MPP2: variants seen among roughly 807,000 people sequenced by gnomAD.
MPP2 encodes MAGUK p55 scaffold protein 2.
MPP2 carries 42 observed loss-of-function variants against 58.5 expected under a neutral mutation model. That is an observed-to-expected ratio of 0.72 (90% confidence interval 0.56 to 0.93). MPP2 has a LOEUF of 0.93. Among genes scored for constraint, MPP2 ranks in the 40% least tolerant of loss-of-function variants. The pLI, the probability that MPP2 is intolerant of heterozygous loss-of-function variation, is 0.00. For synonymous variants in MPP2, 300 were observed against 307.8 expected, an observed-to-expected ratio of 0.97 and a Z score of 0.26; for missense variants, 632 against 760.4, an observed-to-expected ratio of 0.83 and a Z score of 1.99.
At chr17:43,894,154 C>T (rs1434489600) in intron 3 of MPP2, among the ~76,000 whole-genome samples, 1 of 150,862 alleles carries the variant, frequency 6.6e-6, no homozygotes, top group Non-Finnish European at 1.5e-5. Flanking sequence ...TGCGGTGGCT[C>T]ACACCTATAA....
Position 43,882,964 on chromosome 17 carries a change from T to C in MPP2, c.392A>G (p.Gln131Arg), listed in dbSNP as rs373301059. The C allele has an allele frequency of 1.9e-6, 3 of 1,614,010 alleles. No homozygotes were observed. The African/African-American group carries it at 4.0e-5, about 22-fold the overall frequency. Residue 131 changes from glutamine to arginine, a missense_variant, in exon 5 of 13, where the codon CAG becomes CGG. Physicochemically the swap from Gln to Arg is conservative, Grantham distance 43. Transcript: ENST00000269095. ...GCGCACAGCATCGGGAGGTACAGGC[T>C]GGTTGCTGAATGTAGGGTCCAGGCC... is the stretch of plus-strand genomic sequence containing the variant. Reference protein sequence around the residue: ...SPGLDPTFSNQPVPPDAVRMV... With the variant: ...SPGLDPTFSNRPVPPDAVRMV...
At chr17:43,881,699 TC>T (rs1361375569) in intron 6 of MPP2, 110 bp from the exon 7 acceptor site, 2 of 1,398,862 alleles carry the variant, frequency 1.4e-6, no homozygotes, top group East Asian at 2.5e-5. Flanking sequence ...AATGGAACTG[TC>T]CCCCTGCAGG....
intron 3 of MPP2, among the ~76,000 whole-genome samples, chr17:43,897,759 C>T (rs2047909926): frequency 6.6e-6 from 1 of 152,198 alleles, no homozygotes; most frequent in Non-Finnish European, 1.5e-5. Context: ...GTCCTTCCTC[C>T]AGGAAGCCCT....
At chr17:43,897,599 A>G (rs183998639) in intron 3 of MPP2, among the ~76,000 whole-genome samples, 50 of 152,220 alleles carry the variant, frequency 3.3e-4, no homozygotes, top group African/African-American at 1.2e-3. Flanking sequence ...CACAGCTCGC[A>G]TTGTCTTACA....
chr17:43,893,532 C>A (rs2047692888), intron 3 of MPP2, among the ~76,000 whole-genome samples: 1 of 152,142 alleles, frequency 6.6e-6, no homozygotes, highest in South Asian at 2.1e-4. Flanking sequence ...AAGCCATGGA[C>A]CAGTACTGAT....
At chr17:43,887,788 A>T (rs1016654254) in intron 3 of MPP2, among the ~76,000 whole-genome samples, 5 of 134,910 alleles carry the variant, frequency 3.7e-5, no homozygotes, top group Non-Finnish European at 6.3e-5. Flanking sequence ...TTAATTAAAA[A>T]AATTCAAAAG....
chr17:43,894,935 C>A (rs231501), intron 3 of MPP2, among the ~76,000 whole-genome samples: 30 of 151,674 alleles, frequency 2.0e-4, no homozygotes, highest in African/African-American at 7.3e-4. Context: ...GGAATAAGAC[C>A]CTGTCTAAAA....
Position 43,883,066 on chromosome 17 carries a change from G to A in MPP2, c.304-14C>T. The A allele has an allele frequency of 6.2e-7, 1 of 1,604,468 alleles. No individual in the cohort carries two copies. Among genetic ancestry groups the A allele is most frequent in the African/African-American group, 1.3e-5 (1 of 74,868 alleles). ...CTCCAGGAGGGACTGGGGGGTGGTG[G>A]GAAGAGAAGGGACAATGGGGCAGTG... On this transcript the variant is annotated splice_polypyrimidine_tract_variant and intron_variant, in intron 4 of 12. Transcript: ENST00000269095.
upstream of MPP2, chr17:43,909,555 C>T (rs184887467): frequency 4.3e-4 from 623 of 1,465,418 alleles, 7 homozygotes; most frequent in East Asian, 0.012. Context: ...CATAGCGACC[C>T]ACATCAAATC....
At position 43,879,158 on chromosome 17, in the gene MPP2, A is replaced by G; in HGVS notation, c.1482+117T>C. ...GGGACCACGTCCTGCCTCACTGATA[A>G]CTGGAGCAGGCCCCTGTCCCTCCCC... On this transcript the variant is annotated intron_variant, in intron 12 of 12. Transcript: ENST00000269095. The surrounding 1 kb of genome is among the most constrained non-coding windows in gnomAD (Gnocchi z 4.1). 1 of 1,296,986 alleles carries G rather than the reference A, an allele frequency of 7.7e-7. No homozygotes were observed. The highest frequency in any genetic ancestry group is 1.1e-6 in the Non-Finnish European group (1 of 934,660). 80.3% of individuals were successfully genotyped at this position (1,296,986 alleles called of 1,614,324 possible).
rs2143593901 is a variant in MPP2, at chr17:43,884,271, T to C, written c.151-916A>G. ...ATTTTATTTTTTCTGATTCAGGATC[T>C]AATTGATGATCATATGTTGTAGTTG... On this transcript the variant is annotated intron_variant, in intron 3 of 12. Coordinates refer to ENST00000269095, the MANE Select transcript of MPP2 (RefSeq NM_005374.5). 9 of 598,280 alleles carry C rather than the reference T, an allele frequency of 1.5e-5. 1 individual carries two copies. In the South Asian group the frequency reaches 2.0e-4, roughly 13 times the overall value. 37.1% of individuals were successfully genotyped at this position (598,280 alleles called of 1,614,324 possible). A position where few individuals can be genotyped will look rare whatever the true frequency, so the allele number is the denominator to read the frequency against.
intron 1 of MPP2, among the ~76,000 whole-genome samples, chr17:43,906,634 G>A (rs1173134050): frequency 6.6e-6 from 1 of 152,150 alleles, no homozygotes; most frequent in African/African-American, 2.4e-5. Flanking sequence ...CAGAACTGAG[G>A]GCCAGAGGAT....
chr17:43,879,939 T>TA lies in MPP2; in HGVS notation c.1195dup (p.Tyr399LeufsTer12). 6.2e-7 allele frequency: 1 copy of TA among 1,614,034 alleles called. No homozygotes were observed. The highest frequency in any genetic ancestry group is 1.7e-5 in the Admixed American group (1 of 60,004). On this transcript the variant is annotated frameshift_variant, in exon 11 of 13. Coordinates refer to ENST00000269095, the MANE Select transcript of MPP2 (RefSeq NM_005374.5). LOFTEE classifies it high-confidence loss of function. The surrounding 1 kb of genome is among the most constrained non-coding windows in gnomAD (Gnocchi z 4.1). ...CATCTCCCCACGGGACACAAAGCTG[T>TA]AACCCTGACCTTCCCGCTCTGAGTC... is the stretch of plus-strand genomic sequence containing the variant.
At chr17:43,894,332 G>A (rs959983042) in intron 3 of MPP2, among the ~76,000 whole-genome samples, 43 of 150,374 alleles carry the variant, frequency 2.9e-4, no homozygotes, top group African/African-American at 1.0e-3. Context: ...CAGGAGAATC[G>A]CTTGAACCCA....
At chr17:43,907,314 G>A in intron 1 of MPP2, 160 bp downstream of exon 1, 1 of 985,220 alleles carries the variant, frequency 1.0e-6, no homozygotes, top group Non-Finnish European at 1.2e-6. Context: ...CAGAAAGAGG[G>A]CCCAGGGGCG....
rs943684685 is a variant in MPP2 at position 43,876,071 on chromosome 17, C to G, written c.*1736G>C. On this transcript the variant is annotated 3_prime_UTR_variant, in exon 13 of 13. Coordinates refer to ENST00000269095, the MANE Select transcript of MPP2 (RefSeq NM_005374.5). ...TGTAGTATACGCAGAGCCACACCAA[C>G]GAGATGGGGGCAGGCCTGGCCTTTC... The G allele has an allele frequency of 6.6e-6, 1 of 152,554 alleles. No individual in the cohort carries two copies. The highest frequency in any genetic ancestry group is 2.4e-5 in the African/African-American group (1 of 41,446). 9.5% of individuals were successfully genotyped at this position (152,554 alleles called of 1,614,324 possible).
rs150556753 is a variant in MPP2, at chr17:43,879,689, T to C, written c.1353+93A>G. 1,391 of 1,406,992 alleles carry C rather than the reference T, an allele frequency of 9.9e-4. 15 individuals are homozygous for C. In the African/African-American group the frequency reaches 0.017, roughly 18 times the overall value. 87.2% of individuals were successfully genotyped at this position (1,406,992 alleles called of 1,614,324 possible). ...TGAGGGCAAAGGGGGTACATGGGCG[T>C]GTTCAGGTGACAGGTGTCTGGAACT... On this transcript the variant is annotated intron_variant, in intron 11 of 12. Transcript: ENST00000269095. This position sits in a 1 kb window ranked among gnomAD's most constrained non-coding sequence, Gnocchi z 4.1.
At chr17:43,895,025 A>T (rs1252341200) in intron 3 of MPP2, among the ~76,000 whole-genome samples, 1 of 152,178 alleles carries the variant, frequency 6.6e-6, no homozygotes, top group Admixed American at 6.5e-5. Context: ...AAATGACATC[A>T]ATCTCTAGGC....
rs910435471 is a variant in MPP2, at chr17:43,879,627, A to G, written c.1353+155T>C. ...GAGGAGTGGGGACTCTGGAAGGCTG[A>G]GAAAGGTTCCAGGTGGGCTGGGTTT... On this transcript the variant is annotated intron_variant, in intron 11 of 12. Coordinates refer to ENST00000269095, the MANE Select transcript of MPP2 (RefSeq NM_005374.5). The surrounding 1 kb of genome is among the most constrained non-coding windows in gnomAD (Gnocchi z 4.1). Among the ~76,000 whole-genome samples, 2 of 152,038 alleles carry G rather than the reference A, an allele frequency of 1.3e-5. No homozygotes were observed. The highest frequency in any genetic ancestry group is 2.9e-5 in the Non-Finnish European group (2 of 67,994).
Sources: allele counts gnomAD v4.1 joint callset (sites outside exome capture counted in the v4.1 genomes callset), GRCh38; gene constraint gnomAD v4.1.1; non-coding constraint Gnocchi (gnomAD v3.1); transcripts MANE v1.5; gene names NCBI Gene and HGNC (gene_info 2026-07-23, HGNC 2026-07-21).